The following KCNQ2 variants were observed in gnomAD, a reference collection of about 807,000 sequenced individuals.
The protein encoded by KCNQ2 is potassium voltage-gated channel subfamily Q member 2.
KCNQ2 carries 14 observed loss-of-function variants against 84.8 expected under a neutral mutation model. The observed-to-expected ratio is 0.17, with a 90% CI of 0.11 to 0.26. KCNQ2 has a LOEUF of 0.26. Among genes scored for constraint, KCNQ2 ranks in the 10% least tolerant of loss-of-function variants. KCNQ2 has a pLI of 1.00. For missense variants in KCNQ2, 788 were observed against 1,254.0 expected, an observed-to-expected ratio of 0.63 and a Z score of 5.61; for synonymous variants, 599 against 554.1, an observed-to-expected ratio of 1.08 and a Z score of -1.14.
intron 15 of KCNQ2, among the ~76,000 whole-genome samples, chr20:63,410,522 C>G (rs1350606364): frequency 1.3e-5 from 2 of 152,356 alleles, no homozygotes; most frequent in Admixed American, 6.5e-5. Flanking sequence ...CGGCAAGGCA[C>G]AGGAGGACGG....
intron 1 of KCNQ2, among the ~76,000 whole-genome samples, chr20:63,468,644 T>C (rs1421373557): frequency 6.6e-6 from 1 of 152,204 alleles, no homozygotes; most frequent in Non-Finnish European, 1.5e-5. Flanking sequence ...ACACAGCACC[T>C]GGTCAAGCAG....
intron 10 of KCNQ2, chr20:63,424,415 C>T: frequency 1.7e-6 from 1 of 605,736 alleles, no homozygotes; most frequent in African/African-American, 1.8e-5. Context: ...GGAGGCAGCT[C>T]CGAGAGGGAA....
chr20:63,423,220 G>A (rs1358753583), intron 11 of KCNQ2, among the ~76,000 whole-genome samples: 1 of 152,172 alleles, frequency 6.6e-6, no homozygotes, highest in East Asian at 1.9e-4. Context: ...CCCCTTCTGT[G>A]GGATGTGGGG....
intron 8 of KCNQ2, among the ~76,000 whole-genome samples, chr20:63,431,624 G>C (rs2080789913): frequency 6.6e-6 from 1 of 152,086 alleles, no homozygotes; most frequent in Non-Finnish European, 1.5e-5. Context: ...GGAGGTGCAG[G>C]GGGGATGGTG....
chr20:63,431,253 G>A (rs2080777917), intron 9 of KCNQ2, 87 bp downstream of exon 9: 2 of 1,504,192 alleles, frequency 1.3e-6, no homozygotes, highest in East Asian at 4.5e-5. Context: ...GTGGGCCACG[G>A]GGCTCCAGGG....
chr20:63,427,976 T>A (rs1178338779), intron 10 of KCNQ2, among the ~76,000 whole-genome samples: 2 of 152,176 alleles, frequency 1.3e-5, no homozygotes, highest in African/African-American at 4.8e-5. Flanking sequence ...CTGACAGCCG[T>A]GGGCTTTGGG....
chr20:63,406,271 CT>C lies in KCNQ2; in HGVS notation c.*372del, dbSNP rs1465536907. 1 of 252,030 alleles carries C rather than the reference CT, an allele frequency of 4.0e-6. No homozygotes were observed. The highest frequency in any genetic ancestry group is 5.0e-5 in the Admixed American group (1 of 20,034). The allele number at this position is 252,030 out of a possible 1,614,324, so 15.6% of individuals were successfully genotyped here. On this transcript the variant is annotated 3_prime_UTR_variant, in exon 17 of 17. Coordinates refer to ENST00000359125, the MANE Select transcript of KCNQ2 (RefSeq NM_172107.4). The stretch of plus-strand genomic sequence containing the variant: ...AACAGGCCTGCCCTTTGTGCCTCCC[CT>C]GGGCTCGGCTGAGACAACCCCCCGC...
In KCNQ2 at chr20:63,424,315, G is replaced by A. The variant is rs1390559451; in HGVS notation, c.1218-109C>T. The A allele has an allele frequency of 4.6e-6, 6 of 1,303,362 alleles. No individual in the cohort carries two copies. In the East Asian group the frequency reaches 7.6e-5, roughly 16 times the overall value. The allele number at this position is 1,303,362 out of a possible 1,614,324, so 80.7% of individuals were successfully genotyped here. The stretch of plus-strand genomic sequence containing the variant: ...CCATGGGTCAGGGGCTGCAGGGGAG[G>A]GGGGTCTCAGAAAAGGCTGGGCAGG... On this transcript the variant is annotated intron_variant, in intron 10 of 16. Transcript: ENST00000359125.
At position 63,439,607 on chromosome 20, in the gene KCNQ2, C is replaced by T. The variant is rs370777198; in HGVS notation, c.918G>A (p.Ala306=). 95 of 1,612,018 alleles carry T rather than the reference C, an allele frequency of 5.9e-5. 1 individual carries two copies. The highest frequency in any genetic ancestry group is 3.8e-4 in the South Asian group (35 of 91,062). The change falls in exon 6 of 17, where the codon GCG becomes GCA. Residue 306 remains alanine, a synonymous_variant. Transcript: ENST00000359125. The part of the protein sequence containing the change: ...TFTLIGVSFF[A]LPAGILGSGF... ...GGGCAGCTGGACTTACTGCAGGCAGCGCGAAGAAGGAGACACCGATGAGGG... is the reference window on the plus strand; with the variant it reads ...GGGCAGCTGGACTTACTGCAGGCAGTGCGAAGAAGGAGACACCGATGAGGG...
intron 10 of KCNQ2, among the ~76,000 whole-genome samples, chr20:63,427,153 T>G (rs970571375): frequency 2.6e-5 from 4 of 152,296 alleles, no homozygotes; most frequent in Admixed American, 6.5e-5. Context: ...ACCCGGGAAG[T>G]GGAGGTTGCA....
chr20:63,415,399 G>T (rs1457681140), intron 12 of KCNQ2, among the ~76,000 whole-genome samples: 3 of 114,468 alleles, frequency 2.6e-5, no homozygotes, highest in Admixed American at 1.7e-4. Flanking sequence ...CGGGAGGGAG[G>T]GGGGGAGGCT....
intron 7 of KCNQ2, among the ~76,000 whole-genome samples, chr20:63,437,938 T>A (rs923341142): frequency 1.2e-4 from 18 of 152,118 alleles, no homozygotes; most frequent in Admixed American, 9.2e-4. Context: ...GCCTCCCGAG[T>A]AGCTGGGATT....
chr20:63,444,844 G>A lies in KCNQ2; in HGVS notation c.515-10C>T, dbSNP rs936783079. ...ATGAGCACCATGATGTCTACAAAGCGGGCGTGGAGCTGGTGAGCTGCTGGG... is the reference window on the plus strand; with the variant it reads ...ATGAGCACCATGATGTCTACAAAGCAGGCGTGGAGCTGGTGAGCTGCTGGG... On this transcript the variant is annotated splice_polypyrimidine_tract_variant and intron_variant, in intron 3 of 16. Coordinates refer to ENST00000359125, the MANE Select transcript of KCNQ2 (RefSeq NM_172107.4). 32 of 1,582,162 alleles carry A rather than the reference G, an allele frequency of 2.0e-5. No individual in the cohort carries two copies. Among genetic ancestry groups the A allele is most frequent in the African/African-American group, 8.1e-5 (6 of 74,484 alleles).
At chr20:63,428,938 G>T (rs949750229) in intron 9 of KCNQ2, among the ~76,000 whole-genome samples, 11 of 152,220 alleles carry the variant, frequency 7.2e-5, no homozygotes, top group Middle Eastern at 3.4e-3. Flanking sequence ...TCATTCTGGA[G>T]TCTATAGGAT....
Position 63,438,126 on chromosome 20 carries a change from C to T in KCNQ2, c.1023+499G>A. On this transcript the variant is annotated intron_variant, in intron 7 of 16. Transcript: ENST00000359125. This position sits in a 1 kb window ranked among gnomAD's most constrained non-coding sequence, Gnocchi z 5.1. ...CCCGGCCATTGTCTGTCCGTATTTT[C>T]AAGGTGGCTCAGGAATTACTTGTGG... 5.4e-6 allele frequency: 1 copy of T among 184,714 alleles called. No individual in the cohort carries two copies. Among genetic ancestry groups the T allele is most frequent in the Non-Finnish European group, 1.2e-5 (1 of 86,774 alleles). The allele number at this position is 184,714 out of a possible 1,614,324, so 11.4% of individuals were successfully genotyped here.
chr20:63,423,292 C>T (rs938460856), intron 11 of KCNQ2, among the ~76,000 whole-genome samples: 5 of 152,158 alleles, frequency 3.3e-5, no homozygotes, highest in South Asian at 2.1e-4. Flanking sequence ...CGCAGTGTCT[C>T]GCCAGCTGTC....
chr20:63,414,373 C>T lies in KCNQ2; in HGVS notation c.1526-180G>A, dbSNP rs1024587336. On this transcript the variant is annotated intron_variant, in intron 13 of 16. Transcript: ENST00000359125. The surrounding 1 kb of genome is among the most constrained non-coding windows in gnomAD (Gnocchi z 6.6). ...CATCTGCACCCAGCTGCTCTCGAGT[C>T]AGGACCTTCCCCGGCAGGCTGTGGC... Among the ~76,000 whole-genome samples, 9 of 152,198 alleles carry T rather than the reference C, an allele frequency of 5.9e-5. No individual in the cohort carries two copies. The highest frequency in any genetic ancestry group is 2.2e-4 in the African/African-American group (9 of 41,464).
chr20:63,432,880 A>ACAGGGAAGGCCCCACCCT (rs2080869957), intron 8 of KCNQ2, among the ~76,000 whole-genome samples: 1 of 147,546 alleles, frequency 6.8e-6, no homozygotes, highest in African/African-American at 2.5e-5. Flanking sequence ...GGCTCCACCC[A>ACAGGGAAGGCCCCACCCT]CAGGGAAGGC....
At chr20:63,433,019 CCA>C in intron 8 of KCNQ2, among the ~76,000 whole-genome samples, 1 of 152,292 alleles carries the variant, frequency 6.6e-6, no homozygotes, top group East Asian at 1.9e-4. Context: ...AAGGTGGTGC[CCA>C]CACAGACGGA....
Sources: gnomAD v4.1 joint callset for allele counts (sites outside exome capture counted in the v4.1 genomes callset) on GRCh38, gnomAD v4.1.1 for gene constraint, Gnocchi (gnomAD v3.1) non-coding constraint, MANE v1.5 for transcripts, NCBI Gene and HGNC (gene_info 2026-07-23, HGNC 2026-07-21) for gene names.